Variants in ARFGEF1 observed in about 807,000 individuals in gnomAD.
ARFGEF1 encodes ARF guanine nucleotide exchange factor 1.
In ARFGEF1, 42 loss-of-function variants were observed where a neutral mutation model predicts 231.0. The ratio of observed to expected loss-of-function variants is 0.18; its 90% CI spans 0.14 to 0.24. The LOEUF (loss-of-function observed/expected upper bound fraction) is 0.24, where lower values mean the gene tolerates loss of function less well. ARFGEF1 is among the 10% of genes least tolerant of loss of function. The pLI is 1.00. For synonymous variants in ARFGEF1, 710 were observed against 732.3 expected, an observed-to-expected ratio of 0.97 and a Z score of 0.49; for missense variants, 1,345 against 2,192.0, an observed-to-expected ratio of 0.61 and a Z score of 7.72.
At chr8:67,235,109 T>TAC (rs141050540) in intron 22 of ARFGEF1, among the ~76,000 whole-genome samples, 176 of 147,220 alleles carry the variant, frequency 1.2e-3, no homozygotes, top group Middle Eastern at 7.0e-3. Context: ...TGTATATATA[T>TAC]ACACACACAC....
intron 1 of ARFGEF1, among the ~76,000 whole-genome samples, chr8:67,318,134 G>A (rs1411800460): frequency 1.3e-5 from 2 of 151,542 alleles, no homozygotes; most frequent in African/African-American, 2.4e-5. Context: ...CTACTCGGGA[G>A]GCTGATGCAG....
At chr8:67,325,118 G>A (rs1156481951) in intron 1 of ARFGEF1, among the ~76,000 whole-genome samples, 1 of 151,876 alleles carries the variant, frequency 6.6e-6, no homozygotes, top group Non-Finnish European at 1.5e-5. Context: ...TCTCCATGAT[G>A]GTCAGGCTGG....
downstream of ARFGEF1, among the ~76,000 whole-genome samples, chr8:67,197,157 A>AT (rs1330423223): frequency 2.0e-5 from 3 of 152,134 alleles, no homozygotes; most frequent in East Asian, 3.8e-4. Context: ...ATATTAAAAG[A>AT]TTTTTGGGCT....
downstream of ARFGEF1, chr8:67,195,593 A>C: frequency 1.2e-6 from 2 of 1,613,186 alleles, no homozygotes; most frequent in Non-Finnish European, 1.7e-6. Context: ...CACATGGTTA[A>C]AATAAACCTG....
At chr8:67,335,793 C>G (rs897566560) in intron 1 of ARFGEF1, among the ~76,000 whole-genome samples, 1 of 151,752 alleles carries the variant, frequency 6.6e-6, no homozygotes, top group African/African-American at 2.4e-5. Context: ...GTCTCTCGGG[C>G]TGGAGTGCAG....
intron 7 of ARFGEF1, among the ~76,000 whole-genome samples, chr8:67,282,763 G>T (rs1805587747): frequency 1.3e-5 from 2 of 151,256 alleles, no homozygotes; most frequent in Non-Finnish European, 2.9e-5. Context: ...AAGAAGAACT[G>T]CTTGAACCCG....
intron 23 of ARFGEF1, among the ~76,000 whole-genome samples, chr8:67,229,512 A>T (rs891765176): frequency 1.3e-5 from 2 of 152,044 alleles, no homozygotes; most frequent in African/African-American, 4.8e-5. Context: ...CTGCTAAAGA[A>T]ATGTCTTAAG....
At chr8:67,247,923 T>C (rs1395488596) in intron 19 of ARFGEF1, among the ~76,000 whole-genome samples, 1 of 149,952 alleles carries the variant, frequency 6.7e-6, no homozygotes, top group Non-Finnish European at 1.5e-5. Flanking sequence ...CAGTGAACAA[T>C]CTGAGAAAGA....
Position 67,291,971 on chromosome 8 carries a change from G to A in ARFGEF1, c.792C>T (p.Asp264=). ...VDHISQEHEG[D]LDLHTNDVDK... is the part of the protein sequence containing the mutation. ...CTACATCATTTGTATGGAGGTCAAG[G>A]TCCCCTTCGTGTTCTTGGGATATAT... The change falls in exon 6 of 39, where the codon GAC becomes GAT. Residue 264 remains aspartate, a synonymous_variant. Coordinates refer to ENST00000262215, the MANE Select transcript of ARFGEF1 (RefSeq NM_006421.5). 6.2e-7 allele frequency: 1 copy of A among 1,613,960 alleles called. No homozygotes were observed. Among genetic ancestry groups the A allele is most frequent in the Non-Finnish European group, 8.5e-7 (1 of 1,179,914 alleles).
chr8:67,221,193 T>C (rs547221030), intron 29 of ARFGEF1, among the ~76,000 whole-genome samples: 2 of 152,358 alleles, frequency 1.3e-5, no homozygotes, highest in South Asian at 4.1e-4. Flanking sequence ...GTATTTACTA[T>C]ACTGCACCTC....
intron 38 of ARFGEF1, chr8:67,199,306 T>A (rs1838228491): frequency 2.0e-6 from 1 of 492,226 alleles, no homozygotes; most frequent in African/African-American, 2.0e-5. Flanking sequence ...TATCCTTATT[T>A]TGAAAAACAT....
intron 1 of ARFGEF1, among the ~76,000 whole-genome samples, chr8:67,314,019 G>T (rs1416000090): frequency 1.3e-5 from 2 of 152,044 alleles, no homozygotes; most frequent in Admixed American, 6.5e-5. Context: ...TGCCTCTGCT[G>T]AGTCATCCAG....
intron 5 of ARFGEF1, among the ~76,000 whole-genome samples, chr8:67,192,151 C>T (rs1487655268): frequency 2.0e-5 from 3 of 150,950 alleles, no homozygotes; most frequent in African/African-American, 7.3e-5. Flanking sequence ...CAGTGCACTG[C>T]ACCCTCTGCC....
chr8:67,277,781 G>A (rs368528297), intron 7 of ARFGEF1, among the ~76,000 whole-genome samples: 1 of 152,186 alleles, frequency 6.6e-6, no homozygotes, highest in Admixed American at 6.5e-5. Context: ...GACTTGAGAT[G>A]TGAAGACAAA....
chr8:67,287,151 T>C (rs1223620809), intron 7 of ARFGEF1, among the ~76,000 whole-genome samples: 1 of 152,222 alleles, frequency 6.6e-6, no homozygotes, highest in Non-Finnish European at 1.5e-5. Context: ...GGGATCCCAC[T>C]ATTCCCAGAA....
intron 18 of ARFGEF1, among the ~76,000 whole-genome samples, chr8:67,252,379 C>T (rs1428761846): frequency 2.0e-5 from 3 of 151,646 alleles, no homozygotes; most frequent in East Asian, 3.9e-4. Flanking sequence ...AACAACTGGC[C>T]ATAACACTCC....
intron 5 of ARFGEF1, among the ~76,000 whole-genome samples, chr8:67,186,969 TCATC>T (rs1461806223): frequency 8.9e-5 from 12 of 135,164 alleles, no homozygotes; most frequent in Non-Finnish European, 1.4e-4. Context: ...AATCTATCTA[TCATC>T]TATCTATCTA....
At chr8:67,319,106 A>T (rs915023291) in intron 1 of ARFGEF1, among the ~76,000 whole-genome samples, 2 of 152,254 alleles carry the variant, frequency 1.3e-5, no homozygotes, top group Non-Finnish European at 2.9e-5. Context: ...AACAATAAAT[A>T]TATCAAGTTC....
intron 5 of ARFGEF1, among the ~76,000 whole-genome samples, chr8:67,295,890 T>A (rs997510683): frequency 2.0e-5 from 3 of 151,992 alleles, no homozygotes; most frequent in African/African-American, 7.2e-5. Flanking sequence ...TTAAAAAGAG[T>A]TCAAAATAAG....
Sources: gnomAD v4.1 joint callset for allele counts (sites outside exome capture counted in the v4.1 genomes callset) on GRCh38, gnomAD v4.1.1 for gene constraint, MANE v1.5 for transcripts, NCBI Gene and HGNC (gene_info 2026-07-23, HGNC 2026-07-21) for gene names.